Variants in ALG5 observed in about 807,000 individuals in gnomAD.
ALG5 encodes the protein dolichyl-phosphate beta-glucosyltransferase.
A neutral mutation model predicts 51.8 loss-of-function variants in ALG5; 26 were observed. That is an observed-to-expected ratio of 0.50 (90% CI 0.37 to 0.70). ALG5 has a LOEUF of 0.70. Ranked by LOEUF, ALG5 falls within the 30% of genes least tolerant of loss-of-function variation. The probability of loss-of-function intolerance (pLI) is 0.00; values close to 1 mark genes in which losing one functional copy is unlikely to be tolerated. For synonymous variants in ALG5, 141 were observed against 136.1 expected, an observed-to-expected ratio of 1.04 and a Z score of -0.25; for missense variants, 311 against 399.3, an observed-to-expected ratio of 0.78 and a Z score of 1.88.
chr13:36,977,770 C>G lies in ALG5; in HGVS notation c.562-5734G>C, dbSNP rs566936543. On this transcript the variant is annotated intron_variant, in intron 6 of 9. Coordinates refer to ENST00000239891, the MANE Select transcript of ALG5 (RefSeq NM_013338.5). ...TCATGCTACTGCACTCTAGCCTGGG[C>G]GACAGAGTGAGACTGTCTCCAAAAA... 5.0e-5 allele frequency among the ~76,000 whole-genome samples: 5 copies of G among 100,922 alleles called. No individual in the cohort carries two copies. The South Asian group carries it at 1.8e-3, about 37-fold the overall frequency. 66.2% of individuals were successfully genotyped at this position (100,922 alleles called of 152,430 possible). A position where few individuals can be genotyped will look rare whatever the true frequency, so the allele number is the denominator to read the frequency against.
In ALG5 at chr13:36,996,693, C is replaced by T. The variant is rs118165850; in HGVS notation, c.67-1097G>A. On this transcript the variant is annotated intron_variant, in intron 1 of 9. Coordinates refer to ENST00000239891, the MANE Select transcript of ALG5 (RefSeq NM_013338.5). ...GGAAGGATCTCATTTCAAAAATTTG[C>T]CTTTTGCGTTTTATATGTATGAAAG... Among the ~76,000 whole-genome samples, 934 of 152,084 alleles carry T rather than the reference C, an allele frequency of 6.1e-3. 24 individuals carry two copies. The highest frequency in any genetic ancestry group is 0.057 in the East Asian group (297 of 5,174).
chr13:36,978,189 G>GA (rs2058962921), intron 6 of ALG5, among the ~76,000 whole-genome samples: 1 of 124,790 alleles, frequency 8.0e-6, no homozygotes, highest in Non-Finnish European at 1.7e-5. Context: ...CCCCACCTTT[G>GA]TTTTTTTTTT....
Position 36,950,046 on chromosome 13 carries a change from C to T in ALG5, c.871G>A (p.Val291Ile), listed in dbSNP as rs773248756. The T allele has an allele frequency of 1.3e-6, 2 of 1,597,696 alleles. No individual in the cohort carries two copies. The highest frequency in any genetic ancestry group is 1.7e-6 in the Non-Finnish European group (2 of 1,169,678). ...ATTTGTAGCCAGCTCCAGAATGGAA[C>T]TAATTTAGAACCTGTGATTTAAAAA... ...NWTEIEGSKL[V>I]PFWSWLQMGK... The change falls in exon 10 of 10, where the codon GTT (valine) becomes ATT (isoleucine). Residue 291 changes from valine to isoleucine, a missense_variant. Coordinates refer to ENST00000239891, the MANE Select transcript of ALG5 (RefSeq NM_013338.5).
chr13:36,996,901 G>A (rs1467512138), intron 1 of ALG5, among the ~76,000 whole-genome samples: 1 of 152,052 alleles, frequency 6.6e-6, no homozygotes, highest in Non-Finnish European at 1.5e-5. Flanking sequence ...TAAACTGGTG[G>A]GTCTGGCTGG....
At chr13:36,995,324 A>T in intron 2 of ALG5, 101 bp downstream of exon 2, 1 of 1,235,562 alleles carries the variant, frequency 8.1e-7, no homozygotes, top group Non-Finnish European at 1.1e-6. Context: ...AACACAGCCC[A>T]CATCTATTAA....
intron 7 of ALG5, among the ~76,000 whole-genome samples, chr13:36,971,414 A>C (rs2058922326): frequency 6.6e-6 from 1 of 152,158 alleles, no homozygotes; most frequent in African/African-American, 2.4e-5. Flanking sequence ...TGGGAGGCTG[A>C]GGCAGGCGGA....
intron 1 of ALG5, among the ~76,000 whole-genome samples, chr13:36,997,561 A>C (rs1365601049): frequency 6.6e-6 from 1 of 152,082 alleles, no homozygotes; most frequent in African/African-American, 2.4e-5. Context: ...AACAGAGTAC[A>C]ATGTGTGGCA....
chr13:36,976,033 G>A (rs1308725917), intron 6 of ALG5, among the ~76,000 whole-genome samples: 2 of 151,032 alleles, frequency 1.3e-5, no homozygotes, highest in Admixed American at 6.6e-5. Context: ...GTATGATATT[G>A]ACTATTAAAT....
At chr13:36,974,893 A>G (rs2058942942) in intron 6 of ALG5, among the ~76,000 whole-genome samples, 1 of 152,200 alleles carries the variant, frequency 6.6e-6, no homozygotes, top group Admixed American at 6.5e-5. Flanking sequence ...AAATGTTTTC[A>G]GTTTGTTTGA....
chr13:36,957,022 A>C (rs1419525682), intron 8 of ALG5, among the ~76,000 whole-genome samples: 1 of 152,082 alleles, frequency 6.6e-6, no homozygotes, highest in Non-Finnish European at 1.5e-5. Context: ...TAGCCACCGA[A>C]GAAGGAAAAA....
At chr13:36,953,398 A>G (rs1177172756) in intron 8 of ALG5, among the ~76,000 whole-genome samples, 6 of 152,196 alleles carry the variant, frequency 3.9e-5, no homozygotes, top group East Asian at 1.9e-4. Flanking sequence ...ATCCTGACTC[A>G]TAAGTTTTCC....
rs567519021 is a variant in ALG5 at position 36,973,687 on chromosome 13, C to T, written c.562-1651G>A. The stretch of plus-strand genomic sequence containing the variant: ...TGGGGGAAAATATTGGCAATTTATA[C>T]TACAGACAAAAGGTTAATTTCCAAA... On this transcript the variant is annotated intron_variant, in intron 6 of 9. Transcript: ENST00000239891. Among the ~76,000 whole-genome samples, 13 of 152,208 alleles carry T rather than the reference C, an allele frequency of 8.5e-5. No homozygotes were observed. The South Asian group carries it at 2.3e-3, about 27-fold the overall frequency.
chr13:36,987,561 C>T (rs754163258), intron 5 of ALG5, among the ~76,000 whole-genome samples: 1 of 152,166 alleles, frequency 6.6e-6, no homozygotes, highest in Admixed American at 6.5e-5. Context: ...GCTTCCACTT[C>T]GCTTTCTATC....
At chr13:36,992,977 C>A (rs1428651309) in intron 4 of ALG5, among the ~76,000 whole-genome samples, 1 of 152,180 alleles carries the variant, frequency 6.6e-6, no homozygotes, top group African/African-American at 2.4e-5. Context: ...TGGCCACTCA[C>A]AGGTCAAGGG....
In ALG5 at chr13:36,992,680, T is replaced by C. The variant is rs557539987; in HGVS notation, c.354+924A>G. On this transcript the variant is annotated intron_variant, in intron 4 of 9. Coordinates refer to ENST00000239891, the MANE Select transcript of ALG5 (RefSeq NM_013338.5). ...GATATAATAAACATCACTGTACAAC[T>C]GCAGTATTCTCTTGTACTATACCTT... Among the ~76,000 whole-genome samples the C allele has an allele frequency of 7.9e-5, 12 of 152,288 alleles. No individual in the cohort carries two copies. In the East Asian group the frequency reaches 2.1e-3, roughly 27 times the overall value.
Position 36,999,250 on chromosome 13 carries a change from G to T in ALG5, c.51C>A (p.Ala17=), listed in dbSNP as rs759530016. 1.9e-6 allele frequency: 3 copies of T among 1,580,662 alleles called. No individual in the cohort carries two copies. Among genetic ancestry groups the T allele is most frequent in the Admixed American group, 3.6e-5 (2 of 55,238 alleles). Residue 17 remains alanine (A), a synonymous_variant, in exon 1 of 10, where the codon GCC becomes GCA. Coordinates refer to ENST00000239891, the MANE Select transcript of ALG5 (RefSeq NM_013338.5). ...CTGTTCTCACCAGTACGAGGGCTGCGGCCGCCAGCGCCGCGCCGAGCACCG... is the reference window on the plus strand; with the variant it reads ...CTGTTCTCACCAGTACGAGGGCTGCTGCCGCCAGCGCCGCGCCGAGCACCG... The part of the protein sequence containing the change: ...QLAVLGAALA[A]AALVLISIVA...
At chr13:36,962,845 T>C (rs985780963) in intron 8 of ALG5, among the ~76,000 whole-genome samples, 1 of 152,210 alleles carries the variant, frequency 6.6e-6, no homozygotes, top group African/African-American at 2.4e-5. Flanking sequence ...TTTGAATATA[T>C]AGTACAAAGA....
chr13:36,960,654 G>A (rs1320544641), intron 8 of ALG5, among the ~76,000 whole-genome samples: 1 of 151,532 alleles, frequency 6.6e-6, no homozygotes. Flanking sequence ...GTGGGACTAT[G>A]GGCATGTGCC....
intron 6 of ALG5, among the ~76,000 whole-genome samples, chr13:36,979,592 T>C (rs1433432898): frequency 6.6e-6 from 1 of 152,210 alleles, no homozygotes; most frequent in Non-Finnish European, 1.5e-5. Context: ...GGGTCATTAG[T>C]AAGCAACCCA....
Sources: gnomAD v4.1 joint callset for allele counts (sites outside exome capture counted in the v4.1 genomes callset) on GRCh38, gnomAD v4.1.1 for gene constraint, MANE v1.5 for transcripts, NCBI Gene and HGNC (gene_info 2026-07-23, HGNC 2026-07-21) for gene names.